Variants in SLC9A7 observed in about 807,000 individuals in gnomAD.
SLC9A7 encodes solute carrier family 9 member A7, also known as sodium/hydrogen exchanger 7.
Under a neutral mutation model 52.6 loss-of-function variants are expected in SLC9A7, and 19 were observed. The ratio of observed to expected loss-of-function variants is 0.36; its 90% confidence interval spans 0.25 to 0.53. The LOEUF is 0.53. Among genes scored for constraint, SLC9A7 ranks in the 20% least tolerant of loss-of-function variants. The pLI, the probability that SLC9A7 is intolerant of heterozygous loss-of-function variation, is 0.91. For missense variants in SLC9A7, 455 were observed against 597.9 expected (o/e 0.76, Z 2.49); for synonymous variants, 226 against 252.1 (o/e 0.90, Z 0.98).
In SLC9A7 at chrX:46,729,038, A is replaced by C. The variant is rs147954705; in HGVS notation, c.325+29667T>G. On this transcript the variant is annotated intron_variant, in intron 1 of 16. Coordinates refer to ENST00000616978, the MANE Select transcript of SLC9A7 (RefSeq NM_001257291.2). ...GGGATAGAAATGTTCTATTATCTTG[A>C]TTTTGGTGGTGGTTACACAAGTGTA... Among the ~76,000 whole-genome samples, 1,064 of 112,322 alleles carry C rather than the reference A, an allele frequency of 9.5e-3. 47 individuals carry two copies. In the East Asian group the frequency reaches 0.15, roughly 15 times the overall value.
chrX:46,747,784 G>C (rs1187940566), intron 1 of SLC9A7, among the ~76,000 whole-genome samples: 2 of 111,452 alleles, frequency 1.8e-5, no homozygotes, highest in Non-Finnish European at 3.8e-5. Flanking sequence ...AGTACATGAA[G>C]GGAAATACAA....
intron 1 of SLC9A7, among the ~76,000 whole-genome samples, chrX:46,756,643 ATAT>A (rs1242647802): frequency 8.9e-6 from 1 of 112,291 alleles, no homozygotes; most frequent in Non-Finnish European, 1.9e-5. Flanking sequence ...AGTCCTTAAA[ATAT>A]TAATATTTGG....
At chrX:46,713,678 A>G (rs1351600756) in intron 1 of SLC9A7, among the ~76,000 whole-genome samples, 2 of 110,187 alleles carry the variant, frequency 1.8e-5, no homozygotes, top group Non-Finnish European at 1.9e-5. Context: ...TACCCAGAAG[A>G]GAATATCCAT....
At chrX:46,627,978 ACTG>A (rs1183512038) in intron 14 of SLC9A7, among the ~76,000 whole-genome samples, 1 of 112,238 alleles carries the variant, frequency 8.9e-6, no homozygotes, top group Non-Finnish European at 1.9e-5. Flanking sequence ...GCAACAATAA[ACTG>A]CTGATTTTCT....
chrX:46,600,640 T>A lies in SLC9A7; in HGVS notation c.*6312A>T, dbSNP rs1169651228. On this transcript the variant is annotated 3_prime_UTR_variant, in exon 17 of 17. Coordinates refer to ENST00000616978, the MANE Select transcript of SLC9A7 (RefSeq NM_001257291.2). ...TTTTTGCTAGCACTGGGTGACAAGA[T>A]GTGTTTAATTTTTTAAAAATGTCTA... 8.9e-6 allele frequency: 1 copy of A among 112,351 alleles called. No individual in the cohort carries two copies. Among genetic ancestry groups the A allele is most frequent in the Non-Finnish European group, 1.9e-5 (1 of 53,314 alleles). 9.3% of individuals were successfully genotyped at this position (112,351 alleles called of 1,213,427 possible).
rs1333641204 is a variant in SLC9A7 at position 46,600,628 on chromosome X, T to C, written c.*6324A>G. 1 of 112,269 alleles carries C rather than the reference T, an allele frequency of 8.9e-6. No individual in the cohort carries two copies. The highest frequency in any genetic ancestry group is 1.9e-5 in the Non-Finnish European group (1 of 53,302). 9.3% of individuals were successfully genotyped at this position (112,269 alleles called of 1,213,427 possible). ...TGCTCTTTACAATTTTTGCTAGCAC[T>C]GGGTGACAAGATGTGTTTAATTTTT... On this transcript the variant is annotated 3_prime_UTR_variant, in exon 17 of 17. Coordinates refer to ENST00000616978, the MANE Select transcript of SLC9A7 (RefSeq NM_001257291.2).
chrX:46,691,924 T>C (rs1054565648), intron 1 of SLC9A7, among the ~76,000 whole-genome samples: 2 of 111,215 alleles, frequency 1.8e-5, no homozygotes, highest in African/African-American at 6.6e-5. Flanking sequence ...GTAGGCATAA[T>C]TGTCCTTGTA....
chrX:46,723,298 C>CAAAAAA (rs764219707), intron 1 of SLC9A7, among the ~76,000 whole-genome samples: 1 of 18,706 alleles, frequency 5.3e-5, no homozygotes, highest in Non-Finnish European at 1.1e-4. Flanking sequence ...AAGATTTCTA[C>CAAAAAA]AAAAAAAAAA....
intron 10 of SLC9A7, 74 bp from the exon 11 acceptor site, chrX:46,648,871 A>G: frequency 1.3e-6 from 1 of 769,407 alleles, no homozygotes. Context: ...GGCTGAGCAG[A>G]GAATTTTAGG....
chrX:46,693,863 C>T (rs1017897129), intron 1 of SLC9A7, among the ~76,000 whole-genome samples: 1 of 110,774 alleles, frequency 9.0e-6, no homozygotes, highest in Non-Finnish European at 1.9e-5. Context: ...CCAGCCTGGG[C>T]AACACAGTGA....
At chrX:46,632,358 A>C (rs1943235363) in intron 13 of SLC9A7, among the ~76,000 whole-genome samples, 1 of 111,997 alleles carries the variant, frequency 8.9e-6, no homozygotes, top group African/African-American at 3.2e-5. Context: ...ATCTCAGCAT[A>C]GCCCAATTTT....
rs1266082014 is a variant in SLC9A7, at chrX:46,613,385, C to T, written c.1833G>A (p.Lys611=). 2 of 1,170,986 alleles carry T rather than the reference C, an allele frequency of 1.7e-6. No homozygotes were observed. The highest frequency in any genetic ancestry group is 1.8e-5 in the African/African-American group (1 of 55,810). Residue 611 remains lysine (K), a synonymous_variant, in exon 16 of 17, where the codon AAG becomes AAA. Transcript: ENST00000616978. The stretch of plus-strand genomic sequence containing the variant: ...GGGGACCACTGTGTGTGAGGATGGG[C>T]TTCAGGTAACTTTAAAATGTGAATT... The part of the protein sequence containing the change: ...LWYSFDHNYL[K]PILTHSGPPL...
intron 1 of SLC9A7, among the ~76,000 whole-genome samples, chrX:46,718,566 T>G (rs767273637): frequency 8.9e-6 from 1 of 111,983 alleles, no homozygotes; most frequent in Non-Finnish European, 1.9e-5. Context: ...AGGGCTAATA[T>G]CCAGAATCTA....
chrX:46,746,030 G>GA (rs1233345811), intron 1 of SLC9A7, among the ~76,000 whole-genome samples: 44 of 102,812 alleles, frequency 4.3e-4, no homozygotes, highest in African/African-American at 1.2e-3. Context: ...AAACAATCAA[G>GA]AAAAAAAAAA....
In SLC9A7 at chrX:46,695,976, C is replaced by CTTATTTAT. The variant is rs61703323; in HGVS notation, c.326-13449_326-13442dup. Among the ~76,000 whole-genome samples, 768 of 104,538 alleles carry CTTATTTAT rather than the reference C, an allele frequency of 7.3e-3. 3 individuals are homozygous for CTTATTTAT. The highest frequency in any genetic ancestry group is 0.017 in the South Asian group (40 of 2,307). 90.8% of individuals were successfully genotyped at this position (104,538 alleles called of 115,157 possible). On this transcript the variant is annotated intron_variant, in intron 1 of 16. Coordinates refer to ENST00000616978, the MANE Select transcript of SLC9A7 (RefSeq NM_001257291.2). ...TCATTTCTCCAACTTTATATTTTTA[C>CTTATTTAT]TTATTTATTTATTTATTTATTTATT...
At chrX:46,694,748 T>C (rs943418365) in intron 1 of SLC9A7, among the ~76,000 whole-genome samples, 7 of 112,047 alleles carry the variant, frequency 6.2e-5, no homozygotes, top group African/African-American at 2.3e-4. Flanking sequence ...TAGACTAGAA[T>C]TGAAAACAGA....
intron 2 of SLC9A7, among the ~76,000 whole-genome samples, chrX:46,680,063 C>T (rs1463242077): frequency 6.3e-5 from 7 of 111,761 alleles, no homozygotes; most frequent in Admixed American, 9.5e-5. Flanking sequence ...TTCATAAAAA[C>T]ATCTTGGCCA....
intron 1 of SLC9A7, among the ~76,000 whole-genome samples, chrX:46,717,421 C>G (rs748370446): frequency 8.9e-6 from 1 of 111,813 alleles, no homozygotes; most frequent in East Asian, 2.8e-4. Flanking sequence ...GCTCTGTGGC[C>G]CAGGCTGGAG....
In SLC9A7 at chrX:46,730,670, TTATATATATATATATATATATA is replaced by T. The variant is rs57157177; in HGVS notation, c.325+28013_325+28034del. ...GCGAGACTGTCTCAAAAAAAAAAAA[TTATATATATATATATATATATA>T]TATATATATATATATATAAAATGGA... On this transcript the variant is annotated intron_variant, in intron 1 of 16. Transcript: ENST00000616978. Among the ~76,000 whole-genome samples the T allele has an allele frequency of 2.8e-3, 121 of 42,916 alleles. 2 individuals carry two copies. The highest frequency in any genetic ancestry group is 6.9e-3 in the African/African-American group (107 of 15,513). 37.3% of individuals were successfully genotyped at this position (42,916 alleles called of 115,157 possible). A position where few individuals can be genotyped will look rare whatever the true frequency, so the allele number is the denominator to read the frequency against.
Sources: gnomAD v4.1 joint callset for allele counts (sites outside exome capture counted in the v4.1 genomes callset) on GRCh38, gnomAD v4.1.1 for gene constraint, MANE v1.5 for transcripts, NCBI Gene and HGNC (gene_info 2026-07-23, HGNC 2026-07-21) for gene names.